SLC35B4: variants seen among roughly 807,000 people sequenced by gnomAD.
The protein encoded by SLC35B4 is nucleotide sugar transporter SLC35B4.
Under a neutral mutation model 39.5 loss-of-function variants are expected in SLC35B4, and 28 were observed. The observed-to-expected ratio is 0.71, with a 90% confidence interval of 0.53 to 0.97. The LOEUF (loss-of-function observed/expected upper bound fraction) is 0.97. Among genes scored for constraint, SLC35B4 ranks in the 50% least tolerant of loss-of-function variants. SLC35B4 has a pLI of 0.00. For synonymous variants in SLC35B4, 145 were observed against 150.4 expected, an observed-to-expected ratio of 0.96 and a Z score of 0.26; for missense variants, 334 against 414.3, an observed-to-expected ratio of 0.81 and a Z score of 1.68.
rs1381069696 is a variant in SLC35B4, at chr7:134,290,748, G to A, written c.*4085C>T. ...CAACCTTAAGAGTGAACTGCTACAG[G>A]TAAGATTCAATCACATTTTTCAGGA... On this transcript the variant is annotated 3_prime_UTR_variant, in exon 10 of 10. Coordinates refer to ENST00000378509, the MANE Select transcript of SLC35B4 (RefSeq NM_032826.5). The A allele has an allele frequency of 6.6e-6, 1 of 152,170 alleles. No homozygotes were observed. 9.4% of individuals were successfully genotyped at this position (152,170 alleles called of 1,614,324 possible). A position where few individuals can be genotyped will look rare whatever the true frequency, so the allele number is the denominator to read the frequency against.
In SLC35B4 at chr7:134,292,901, CAG is replaced by C. The variant is rs1224448504; in HGVS notation, c.*1930_*1931del. The stretch of plus-strand genomic sequence containing the variant: ...GCAACACATTATTACTCTGTAAACT[CAG>C]TGATTTAGGTGGAGAAATAATATCC... On this transcript the variant is annotated 3_prime_UTR_variant, in exon 10 of 10. Coordinates refer to ENST00000378509, the MANE Select transcript of SLC35B4 (RefSeq NM_032826.5). The C allele has an allele frequency of 6.6e-6, 1 of 152,108 alleles. No individual in the cohort carries two copies. The highest frequency in any genetic ancestry group is 1.5e-5 in the Non-Finnish European group (1 of 68,018). 9.4% of individuals were successfully genotyped at this position (152,108 alleles called of 1,614,324 possible). A position where few individuals can be genotyped will look rare whatever the true frequency, so the allele number is the denominator to read the frequency against.
chr7:134,314,311 C>T (rs1257674148), intron 1 of SLC35B4, among the ~76,000 whole-genome samples: 1 of 152,138 alleles, frequency 6.6e-6, no homozygotes, highest in Non-Finnish European at 1.5e-5. Context: ...GCTGGTAGAA[C>T]CATCATCACC....
intron 1 of SLC35B4, among the ~76,000 whole-genome samples, chr7:134,309,972 C>T (rs1803797044): frequency 6.6e-6 from 1 of 152,158 alleles, no homozygotes; most frequent in Non-Finnish European, 1.5e-5. Context: ...ATGATAGGAA[C>T]ATTACTTTAA....
intron 1 of SLC35B4, among the ~76,000 whole-genome samples, chr7:134,313,737 C>T (rs139268108): frequency 4.4e-4 from 67 of 152,324 alleles, no homozygotes; most frequent in African/African-American, 1.5e-3. Context: ...TATTAGGGCA[C>T]CTACTGGCTC....
At chr7:134,320,246 G>C (rs1804070725), upstream of SLC35B4, among the ~76,000 whole-genome samples, 1 of 152,192 alleles carries the variant, frequency 6.6e-6, no homozygotes, top group Non-Finnish European at 1.5e-5. Flanking sequence ...GCTGGGGTTG[G>C]AGTTCCCTGA....
At chr7:134,295,122 G>C in intron 9 of SLC35B4, 43 bp from the exon 10 acceptor site, 1 of 1,599,424 alleles carries the variant, frequency 6.3e-7, no homozygotes, top group South Asian at 1.1e-5. Context: ...GACTGTACTT[G>C]GGGGATCAGT....
intron 1 of SLC35B4, among the ~76,000 whole-genome samples, chr7:134,316,359 A>G (rs1803976417): frequency 6.6e-6 from 1 of 152,162 alleles, no homozygotes; most frequent in Non-Finnish European, 1.5e-5. Flanking sequence ...TCATGTGAAA[A>G]ACTCTTCAGA....
At chr7:134,316,284 AAG>A (rs375302878) in intron 1 of SLC35B4, among the ~76,000 whole-genome samples, 1 of 152,194 alleles carries the variant, frequency 6.6e-6, no homozygotes. Context: ...GATGGGAAGG[AAG>A]AGAGAGTGGT....
At chr7:134,296,259 C>A (rs761153110) in intron 9 of SLC35B4, 132 bp downstream of exon 9, 80 of 812,072 alleles carry the variant, frequency 9.9e-5, no homozygotes, top group Non-Finnish European at 1.4e-4. Flanking sequence ...GTCTCTGTCT[C>A]CAGCTTACCG....
intron 8 of SLC35B4, 148 bp downstream of exon 8, chr7:134,299,375 A>G (rs2075371): frequency 0.46 from 221,314 of 481,218 alleles, 52,538 homozygotes; most frequent in Admixed American, 0.55. Context: ...TTGCTGCTGC[A>G]ATGACTGGAA....
chr7:134,309,410 G>C lies in SLC35B4; in HGVS notation c.147C>G (p.Leu49=), dbSNP rs1449219234. Residue 49 remains leucine (L), a synonymous_variant, in exon 2 of 10, where the codon CTC becomes CTG. Transcript: ENST00000378509. ...GCTTCCTTCCCAAATCAGCTTCAAA[G>C]AGGAAGCCTTCCACAGCAATAAATA... ...QFLFIAVEGF[L]FEADLGRKPP... The C allele has an allele frequency of 6.2e-7, 1 of 1,611,542 alleles. No individual in the cohort carries two copies. The highest frequency in any genetic ancestry group is 1.7e-5 in the Admixed American group (1 of 59,952).
At chr7:134,303,247 C>T (rs994107882) in intron 4 of SLC35B4, among the ~76,000 whole-genome samples, 1 of 152,116 alleles carries the variant, frequency 6.6e-6, no homozygotes, top group Admixed American at 6.5e-5. Flanking sequence ...ATGACACACT[C>T]AGAACAAGTT....
intron 4 of SLC35B4, among the ~76,000 whole-genome samples, chr7:134,303,193 G>T (rs928488244): frequency 6.6e-6 from 1 of 152,150 alleles, no homozygotes; most frequent in Non-Finnish European, 1.5e-5. Context: ...ATGGGAAAGA[G>T]ATACACACAG....
rs527536981 is a variant in SLC35B4 at position 134,294,429 on chromosome 7, T to G, written c.*404A>C. 5.9e-6 allele frequency: 1 copy of G among 170,484 alleles called. No individual in the cohort carries two copies. The highest frequency in any genetic ancestry group is 5.6e-5 in the Admixed American group (1 of 18,000). The allele number at this position is 170,484 out of a possible 1,614,324, so 10.6% of individuals were successfully genotyped here. On this transcript the variant is annotated 3_prime_UTR_variant, in exon 10 of 10. Coordinates refer to ENST00000378509, the MANE Select transcript of SLC35B4 (RefSeq NM_032826.5). ...AAAAGGTGATGGGAGACAAAAGGGA[T>G]AAGGTCACAGGATGACAATGACTGC...
chr7:134,315,275 T>C (rs1223515953), intron 1 of SLC35B4, among the ~76,000 whole-genome samples: 2 of 152,214 alleles, frequency 1.3e-5, no homozygotes, highest in African/African-American at 2.4e-5. Context: ...CCATTTCCAC[T>C]TCAGTAAAAC....
chr7:134,299,512 C>T lies in SLC35B4; in HGVS notation c.673+11G>A, dbSNP rs1803532462. On this transcript the variant is annotated intron_variant, in intron 8 of 9. Transcript: ENST00000378509. ...CTGTCAGGTAATTCTACTGTCTAAC[C>T]CCAAACTCACCAGACTTATTGAATA... 2 of 1,610,246 alleles carry T rather than the reference C, an allele frequency of 1.2e-6. No individual in the cohort carries two copies. The highest frequency in any genetic ancestry group is 1.7e-6 in the Non-Finnish European group (2 of 1,176,846).
intron 1 of SLC35B4, among the ~76,000 whole-genome samples, chr7:134,314,056 T>C (rs540051428): frequency 1.3e-5 from 2 of 152,226 alleles, no homozygotes; most frequent in Non-Finnish European, 2.9e-5. Context: ...AGTGATGATT[T>C]ATTTACAAAT....
chr7:134,311,100 T>TA (rs2117315965), intron 1 of SLC35B4, among the ~76,000 whole-genome samples: 1 of 152,358 alleles, frequency 6.6e-6, no homozygotes, highest in East Asian at 1.9e-4. Flanking sequence ...TGCTACTCTT[T>TA]AAGCTCTGCT....
intron 1 of SLC35B4, 96 bp downstream of exon 1, chr7:134,316,579 T>G: frequency 7.7e-7 from 1 of 1,301,650 alleles, no homozygotes; most frequent in Non-Finnish European, 1.1e-6. Flanking sequence ...GGCGGCGGGG[T>G]GGGGACAGGG....
Sources: gnomAD v4.1 joint callset for allele counts (sites outside exome capture counted in the v4.1 genomes callset) on GRCh38, gnomAD v4.1.1 for gene constraint, MANE v1.5 for transcripts, NCBI Gene and HGNC (gene_info 2026-07-23, HGNC 2026-07-21) for gene names.